WWOX: variants seen among roughly 807,000 people sequenced by gnomAD.
The protein encoded by WWOX is WW domain containing oxidoreductase.
WWOX carries 69 observed loss-of-function variants against 46.2 expected under a neutral mutation model. That is an observed-to-expected ratio of 1.49 (90% CI 1.23 to 1.82). WWOX has a LOEUF of 1.82. Ranked by LOEUF, WWOX falls within the 40% of genes most tolerant of loss-of-function variation. The pLI is 0.00. For missense variants in WWOX, 919 were observed against 542.6 expected (o/e 1.69, Z -6.89); for synonymous variants, 359 against 202.6 (o/e 1.77, Z -6.56).
intron 8 of WWOX, among the ~76,000 whole-genome samples, chr16:79,068,213 C>T (rs930523434): frequency 6.6e-6 from 1 of 152,144 alleles, no homozygotes; most frequent in South Asian, 2.1e-4. Context: ...AAAATAGTAG[C>T]AACGGTAACT....
intron 5 of WWOX, among the ~76,000 whole-genome samples, chr16:78,304,707 T>G (rs1233327486): frequency 6.6e-6 from 1 of 152,240 alleles, no homozygotes; most frequent in African/African-American, 2.4e-5. Context: ...TATTTTGCTA[T>G]TATGAACAAC....
At chr16:78,696,269 C>T (rs138976112) in intron 8 of WWOX, among the ~76,000 whole-genome samples, 17 of 152,252 alleles carry the variant, frequency 1.1e-4, no homozygotes, top group East Asian at 9.7e-4. Context: ...TGCCACATCA[C>T]GGGATTTTCT....
intron 8 of WWOX, among the ~76,000 whole-genome samples, chr16:78,592,126 A>G (rs764725229): frequency 1.2e-4 from 19 of 152,234 alleles, no homozygotes; most frequent in Admixed American, 9.8e-4. Context: ...ACAATATATG[A>G]TGTGCATATG....
At chr16:78,702,268 A>G (rs1032312443) in intron 8 of WWOX, among the ~76,000 whole-genome samples, 10 of 150,722 alleles carry the variant, frequency 6.6e-5, no homozygotes, top group African/African-American at 9.8e-5. Flanking sequence ...TGACAGAGTG[A>G]GACTTTGTCT....
At chr16:78,932,019 C>T (rs1597167959) in intron 8 of WWOX, among the ~76,000 whole-genome samples, 1 of 152,374 alleles carries the variant, frequency 6.6e-6, no homozygotes. Flanking sequence ...TCCACATTGG[C>T]CTTCTGCCGT....
intron 5 of WWOX, among the ~76,000 whole-genome samples, chr16:78,199,609 A>T (rs969829580): frequency 3.9e-5 from 6 of 152,162 alleles, no homozygotes; most frequent in Non-Finnish European, 7.3e-5. Context: ...GCTCACTAGC[A>T]GCTTAAAGGG....
chr16:78,808,203 A>G (rs574332379), intron 8 of WWOX, among the ~76,000 whole-genome samples: 6 of 152,234 alleles, frequency 3.9e-5, no homozygotes, highest in African/African-American at 9.6e-5. Flanking sequence ...ACCCCTCTGA[A>G]TATGCTCCTC....
chr16:78,299,525 T>C (rs970225919), intron 5 of WWOX, among the ~76,000 whole-genome samples: 7 of 150,528 alleles, frequency 4.7e-5, no homozygotes, highest in Middle Eastern at 3.2e-3. Flanking sequence ...TCTTTTCTTT[T>C]TTTTTTTTTT....
At chr16:78,999,586 C>T (rs1253825698) in intron 8 of WWOX, among the ~76,000 whole-genome samples, 1 of 152,146 alleles carries the variant, frequency 6.6e-6, no homozygotes, top group African/African-American at 2.4e-5. Flanking sequence ...GGGAGAGAGA[C>T]CCTTCATGTG....
intron 5 of WWOX, among the ~76,000 whole-genome samples, chr16:78,269,404 C>T (rs2079430239): frequency 6.6e-6 from 1 of 152,170 alleles, no homozygotes; most frequent in Non-Finnish European, 1.5e-5. Flanking sequence ...CTGTGAGCAG[C>T]TGCCACACAG....
At chr16:79,096,903 G>A (rs1334377411) in intron 8 of WWOX, among the ~76,000 whole-genome samples, 1 of 152,162 alleles carries the variant, frequency 6.6e-6, no homozygotes, top group Non-Finnish European at 1.5e-5. Flanking sequence ...ATACTCTGGG[G>A]AGAAGAAAGG....
intron 8 of WWOX, among the ~76,000 whole-genome samples, chr16:78,482,965 G>A (rs1180066595): frequency 6.6e-6 from 1 of 152,160 alleles, no homozygotes; most frequent in Non-Finnish European, 1.5e-5. Flanking sequence ...TTGGGGCACT[G>A]AGATCTATGC....
rs2044814692 is a variant in WWOX, at chr16:78,900,866, AAGAT to A, written c.1057-310739_1057-310736del. ...TTTTTTGAAAAAAAAAAAAAAGAAA[AAGAT>A]AGTTGATATTGTGGGAGATGGCTAC... is the stretch of plus-strand genomic sequence containing the variant. On this transcript the variant is annotated intron_variant, in intron 8 of 8. Coordinates refer to ENST00000566780, the MANE Select transcript of WWOX (RefSeq NM_016373.4). Among the ~76,000 whole-genome samples the A allele has an allele frequency of 3.3e-5, 5 of 152,170 alleles. No homozygotes were observed. The South Asian group carries it at 8.3e-4, about 25-fold the overall frequency.
At chr16:78,168,357 C>T (rs918305229) in intron 5 of WWOX, 4 of 152,158 alleles carry the variant, frequency 2.6e-5, no homozygotes, top group African/African-American at 7.2e-5. Flanking sequence ...TAACAGCCCC[C>T]ATTTATCAAA....
rs189722639 is a variant in WWOX at position 79,187,363 on chromosome 16, C to A, written c.1057-24245C>A. Among the ~76,000 whole-genome samples the A allele has an allele frequency of 8.5e-4, 129 of 152,272 alleles. 1 individual carries two copies. The highest frequency in any genetic ancestry group is 3.1e-3 in the African/African-American group (127 of 41,558). ...TGATCAAATACCTCCTATGCCCCTA[C>A]GAACCAGGTACTAGAAATCCACTCC... On this transcript the variant is annotated intron_variant, in intron 8 of 8. Coordinates refer to ENST00000566780, the MANE Select transcript of WWOX (RefSeq NM_016373.4).
intron 8 of WWOX, among the ~76,000 whole-genome samples, chr16:79,045,044 C>G (rs562232808): frequency 2.0e-5 from 3 of 152,334 alleles, no homozygotes; most frequent in African/African-American, 7.2e-5. Flanking sequence ...GCTAAGTTCT[C>G]TGGAAAGATC....
At chr16:79,095,352 C>T (rs1351810538) in intron 8 of WWOX, among the ~76,000 whole-genome samples, 1 of 152,076 alleles carries the variant, frequency 6.6e-6, no homozygotes, top group East Asian at 1.9e-4. Flanking sequence ...CTCATTAATC[C>T]TCATAATGGT....
intron 5 of WWOX, among the ~76,000 whole-genome samples, chr16:78,384,782 AC>A (rs1458821951): frequency 6.6e-6 from 1 of 151,956 alleles, no homozygotes; most frequent in African/African-American, 2.4e-5. Flanking sequence ...TGCCTCCACC[AC>A]TGATGTGCTG....
intron 4 of WWOX, among the ~76,000 whole-genome samples, chr16:78,125,227 A>T (rs149962539): frequency 1.3e-4 from 20 of 152,226 alleles, no homozygotes; most frequent in Admixed American, 6.5e-5. Flanking sequence ...GTCTTGTGAT[A>T]ATGTCGAAAG....
Sources: gnomAD v4.1 joint callset for allele counts (sites outside exome capture counted in the v4.1 genomes callset) on GRCh38, gnomAD v4.1.1 for gene constraint, MANE v1.5 for transcripts, NCBI Gene and HGNC (gene_info 2026-07-23, HGNC 2026-07-21) for gene names.